SEMA6D: variants seen among roughly 807,000 people sequenced by gnomAD.
SEMA6D encodes the protein semaphorin 6D.
SEMA6D carries 35 observed loss-of-function variants against 106.6 expected under a neutral mutation model. The ratio of observed to expected loss-of-function variants is 0.33; its 90% confidence interval spans 0.25 to 0.44. SEMA6D has a LOEUF of 0.44. SEMA6D is among the 20% of genes least tolerant of loss of function. SEMA6D has a pLI of 1.00. For missense variants in SEMA6D, 1,185 were observed against 1,345.9 expected (o/e 0.88, Z 1.87); for synonymous variants, 499 against 487.7 (o/e 1.02, Z -0.31).
At chr15:47,569,967 G>A (rs961960763) in intron 3 of SEMA6D, among the ~76,000 whole-genome samples, 11 of 151,672 alleles carry the variant, frequency 7.3e-5, no homozygotes, top group Non-Finnish European at 1.3e-4. Context: ...AGGCTGAGGC[G>A]GGAGAATTGC....
chr15:47,325,414 C>T (rs1038650170), intron 1 of SEMA6D, among the ~76,000 whole-genome samples: 2 of 151,848 alleles, frequency 1.3e-5, no homozygotes, highest in African/African-American at 2.4e-5. Context: ...CTCAGGTGAT[C>T]GCCCGCCTTG....
At chr15:47,727,327 A>T (rs1296871140) in intron 1 of SEMA6D, among the ~76,000 whole-genome samples, 1 of 152,188 alleles carries the variant, frequency 6.6e-6, no homozygotes, top group Non-Finnish European at 1.5e-5. Context: ...TGCGTCTGGA[A>T]TGAAGCCCAG....
intron 4 of SEMA6D, among the ~76,000 whole-genome samples, chr15:47,691,628 C>A (rs2078588238): frequency 1.3e-5 from 2 of 152,074 alleles, no homozygotes; most frequent in African/African-American, 4.8e-5. Context: ...TAAGGCCAGA[C>A]CAATAGTAGG....
chr15:47,699,271 T>C (rs1293649370), intron 4 of SEMA6D, among the ~76,000 whole-genome samples: 1 of 152,216 alleles, frequency 6.6e-6, no homozygotes, highest in African/African-American at 2.4e-5. Flanking sequence ...AGACAACTAA[T>C]TTATTACAAG....
chr15:47,770,791 C>A lies in SEMA6D; in HGVS notation c.2228C>A (p.Thr743Asn), dbSNP rs2082588259. The A allele has an allele frequency of 1.2e-6, 2 of 1,614,064 alleles. No homozygotes were observed. Among genetic ancestry groups the A allele is most frequent in the East Asian group, 4.5e-5 (2 of 44,852 alleles). ...CCTAAACTGTATAGTAACCTGCTAA[C>A]CAGTCGGAAAGAGCTACCACCCAAT... is the stretch of plus-strand genomic sequence containing the variant. ...DSPKLYSNLLTSRKELPPNGD... is the reference protein window; with the variant it reads ...DSPKLYSNLLNSRKELPPNGD... Residue 743 changes from threonine (T) to asparagine (N), a missense_variant, in exon 19 of 19, where the codon ACC becomes AAC. Thr to Asn is a moderately conservative substitution (Grantham distance 65). Transcript: ENST00000536845.
intron 1 of SEMA6D, among the ~76,000 whole-genome samples, chr15:47,251,406 A>G (rs889745671): frequency 4.6e-5 from 7 of 152,144 alleles, no homozygotes; most frequent in African/African-American, 1.7e-4. Context: ...AAGCCCTTAA[A>G]TAATTTAAAG....
chr15:47,393,707 T>C (rs928198537), intron 1 of SEMA6D, among the ~76,000 whole-genome samples: 4 of 149,596 alleles, frequency 2.7e-5, no homozygotes, highest in Admixed American at 2.6e-4. Context: ...GCGTGAAATT[T>C]AAATGAAGGT....
At chr15:47,287,753 A>G (rs552841446) in intron 1 of SEMA6D, among the ~76,000 whole-genome samples, 11 of 152,248 alleles carry the variant, frequency 7.2e-5, no homozygotes, top group African/African-American at 2.6e-4. Flanking sequence ...CATTCACTTC[A>G]TTCTGTTCAT....
At chr15:47,700,071 C>T (rs1424320693) in intron 4 of SEMA6D, among the ~76,000 whole-genome samples, 2 of 152,028 alleles carry the variant, frequency 1.3e-5, no homozygotes, top group Non-Finnish European at 2.9e-5. Flanking sequence ...TAAATATGTA[C>T]AACATAGGTA....
intron 4 of SEMA6D, among the ~76,000 whole-genome samples, chr15:47,639,767 A>G (rs1267907420): frequency 3.9e-5 from 6 of 152,212 alleles, no homozygotes; most frequent in Middle Eastern, 3.2e-3. Context: ...TGAGAAAAAC[A>G]TCATGCAAAT....
At chr15:47,228,573 T>C (rs1595776284) in intron 1 of SEMA6D, among the ~76,000 whole-genome samples, 1 of 152,182 alleles carries the variant, frequency 6.6e-6, no homozygotes, top group Middle Eastern at 3.4e-3. Context: ...ACATTGCAGG[T>C]AACTCAGATG....
intron 1 of SEMA6D, among the ~76,000 whole-genome samples, chr15:47,318,001 C>G (rs2036749733): frequency 7.9e-6 from 1 of 126,564 alleles, no homozygotes; most frequent in South Asian, 2.6e-4. Context: ...TTATGTTACT[C>G]TTATTACATT....
At chr15:47,209,678 C>G (rs2141199914) in intron 1 of SEMA6D, among the ~76,000 whole-genome samples, 1 of 152,242 alleles carries the variant, frequency 6.6e-6, no homozygotes, top group Middle Eastern at 3.4e-3. Flanking sequence ...AAATCTTAAG[C>G]TGAAATCATT....
chr15:47,396,941 C>T (rs2040231630), intron 1 of SEMA6D, among the ~76,000 whole-genome samples: 1 of 152,074 alleles, frequency 6.6e-6, no homozygotes, highest in South Asian at 2.1e-4. Context: ...AACACATGCT[C>T]CATTGTACCA....
intron 1 of SEMA6D, among the ~76,000 whole-genome samples, chr15:47,257,952 T>A (rs999806219): frequency 1.4e-4 from 22 of 152,332 alleles, no homozygotes; most frequent in African/African-American, 5.1e-4. Context: ...GTATACACAT[T>A]TAGAATCATT....
intron 1 of SEMA6D, among the ~76,000 whole-genome samples, chr15:47,250,103 A>G (rs1428909351): frequency 6.6e-6 from 1 of 152,226 alleles, no homozygotes; most frequent in Non-Finnish European, 1.5e-5. Context: ...TCTACAAAAT[A>G]AAACTAATCA....
intron 1 of SEMA6D, among the ~76,000 whole-genome samples, chr15:47,384,764 G>A (rs1410909524): frequency 7.3e-6 from 1 of 136,890 alleles, no homozygotes; most frequent in South Asian, 2.5e-4. Context: ...AGAGGAGTGT[G>A]TAGTTATTTT....
chr15:47,352,765 A>G (rs1388320849), intron 1 of SEMA6D, among the ~76,000 whole-genome samples: 1 of 152,204 alleles, frequency 6.6e-6, no homozygotes, highest in Non-Finnish European at 1.5e-5. Flanking sequence ...TGAATAGTAT[A>G]TACTGCAAGA....
At chr15:47,422,180 G>GCCTGCCTGCCTGCCTGCCTTCCTT (rs1455030787) in intron 2 of SEMA6D, among the ~76,000 whole-genome samples, 4 of 112,874 alleles carry the variant, frequency 3.5e-5, no homozygotes, top group African/African-American at 1.3e-4. Context: ...CCGCCTGCCT[G>GCCTGCCTGCCTGCCTGCCTTCCTT]CCTTCCTTCC....
Sources: gnomAD v4.1 joint callset for allele counts (sites outside exome capture counted in the v4.1 genomes callset) on GRCh38, gnomAD v4.1.1 for gene constraint, MANE v1.5 for transcripts, NCBI Gene and HGNC (gene_info 2026-07-23, HGNC 2026-07-21) for gene names.